The following KIF1A variants were observed in gnomAD, a reference collection of about 807,000 sequenced individuals.
The protein encoded by KIF1A is kinesin family member 1A.
Under a neutral mutation model 227.3 loss-of-function variants are expected in KIF1A, and 46 were observed. That is an observed-to-expected ratio of 0.20 (90% CI 0.16 to 0.26). The LOEUF (loss-of-function observed/expected upper bound fraction) is 0.26. Ranked by LOEUF, KIF1A falls within the 10% of genes least tolerant of loss-of-function variation. The pLI is 1.00. For synonymous variants in KIF1A, 1,022 were observed against 1,012.8 expected, an observed-to-expected ratio of 1.01 and a Z score of -0.17; for missense variants, 1,683 against 2,485.9, an observed-to-expected ratio of 0.68 and a Z score of 6.87.
intron 29 of KIF1A, among the ~76,000 whole-genome samples, chr2:240,746,765 C>T (rs2048646786): frequency 6.6e-6 from 1 of 152,220 alleles, no homozygotes; most frequent in East Asian, 1.9e-4. Flanking sequence ...CTGAGTGGTC[C>T]AGGTGCCACT....
chr2:240,753,669 C>T (rs2049483740), intron 27 of KIF1A, among the ~76,000 whole-genome samples: 1 of 152,200 alleles, frequency 6.6e-6, no homozygotes, highest in Non-Finnish European at 1.5e-5. Flanking sequence ...GGAGGCAGTG[C>T]ACCCCCATCT....
At chr2:240,782,542 C>CGCCACCA in intron 10 of KIF1A, 48 bp downstream of exon 10, 1 of 1,546,056 alleles carries the variant, frequency 6.5e-7, no homozygotes, top group East Asian at 2.4e-5. Flanking sequence ...GGGCAGACAC[C>CGCCACCA]GCCACCAGCC....
rs2055446152 is a variant in KIF1A, at chr2:240,789,883, C to A, written c.107-571G>T. Among the ~76,000 whole-genome samples the A allele has an allele frequency of 6.6e-6, 1 of 152,148 alleles. No homozygotes were observed. The highest frequency in any genetic ancestry group is 6.5e-5 in the Admixed American group (1 of 15,284). On this transcript the variant is annotated intron_variant, in intron 2 of 48. Coordinates refer to ENST00000498729, the MANE Select transcript of KIF1A (RefSeq NM_001244008.2). This position sits in a 1 kb window ranked among gnomAD's most constrained non-coding sequence, Gnocchi z 4.8. The stretch of plus-strand genomic sequence containing the variant: ...CCTCCACCCAACTTCAAGCCCAGTC[C>A]CAGGCACCCTGGGCTGGCTTCAGGC...
Position 240,724,035 on chromosome 2 carries a change from T to C in KIF1A, c.4258A>G (p.Asn1420Asp), listed in dbSNP as rs752208944. 1 of 1,612,062 alleles carries C rather than the reference T, an allele frequency of 6.2e-7. No individual in the cohort carries two copies. The highest frequency in any genetic ancestry group is 8.5e-7 in the Non-Finnish European group (1 of 1,179,326). Residue 1420 changes from asparagine (N) to aspartate (D), a missense_variant and splice_region_variant, in exon 41 of 49, where the codon AAC becomes GAC. Around this residue, in one of 12 missense-constraint regions of KIF1A, gnomAD observed 759 missense variants for 1,020.2 expected, o/e 0.74. Coordinates refer to ENST00000498729, the MANE Select transcript of KIF1A (RefSeq NM_001244008.2). ...GSGSLRASES[N>D]RVTGVYELSL... ...AGCTCGTACACACCAGTCACACGGTTACTGTGGGGAGTAGAAGGAGTGACA... is the reference window on the plus strand; with the variant it reads ...AGCTCGTACACACCAGTCACACGGTCACTGTGGGGAGTAGAAGGAGTGACA...
At position 240,740,019 on chromosome 2, in the gene KIF1A, C is replaced by T. The variant is rs1435819130; in HGVS notation, c.3901+39G>A. The T allele has an allele frequency of 2.0e-6, 3 of 1,514,772 alleles. No homozygotes were observed. The highest frequency in any genetic ancestry group is 2.4e-5 in the East Asian group (1 of 40,980). 93.8% of individuals were successfully genotyped at this position (1,514,772 alleles called of 1,614,324 possible). On this transcript the variant is annotated intron_variant, in intron 37 of 48. Transcript: ENST00000498729. This position sits in a 1 kb window ranked among gnomAD's most constrained non-coding sequence, Gnocchi z 6.1. ...AGGGCCTGTACTCTTCCCACCAGCT[C>T]AGCCCCACCCACCAAGGCAGCCCCC...
chr2:240,767,909 C>A (rs2051411821), intron 17 of KIF1A, among the ~76,000 whole-genome samples: 1 of 152,184 alleles, frequency 6.6e-6, no homozygotes, highest in African/African-American at 2.4e-5. Flanking sequence ...TGAAGGGATC[C>A]TTGATGAGCC....
chr2:240,801,630 A>G (rs1458784203), intron 1 of KIF1A, among the ~76,000 whole-genome samples: 1 of 152,166 alleles, frequency 6.6e-6, no homozygotes, highest in Admixed American at 6.5e-5. Context: ...CCCCCAAGTG[A>G]TGACTTTAGT....
At chr2:240,795,978 C>T (rs2056346290) in intron 2 of KIF1A, among the ~76,000 whole-genome samples, 1 of 152,212 alleles carries the variant, frequency 6.6e-6, no homozygotes, top group Admixed American at 6.5e-5. Flanking sequence ...ACATGCAAGA[C>T]TGAGGTGGCA....
At chr2:240,777,488 C>T (rs966752954) in intron 10 of KIF1A, among the ~76,000 whole-genome samples, 4 of 152,270 alleles carry the variant, frequency 2.6e-5, no homozygotes, top group Admixed American at 2.0e-4. Context: ...GCTCCCTCAC[C>T]GCCTCCCTGT....
intron 10 of KIF1A, among the ~76,000 whole-genome samples, chr2:240,780,054 GCTCACGTGGCTC>G (rs971608746): frequency 1.3e-5 from 2 of 152,012 alleles, no homozygotes; most frequent in Admixed American, 1.3e-4. Flanking sequence ...TCAGACGGGG[GCTCACGTGGCTC>G]CTCTCAGGCC....
At chr2:240,754,276 A>G (rs2049569219) in intron 27 of KIF1A, among the ~76,000 whole-genome samples, 1 of 152,202 alleles carries the variant, frequency 6.6e-6, no homozygotes, top group Admixed American at 6.5e-5. Flanking sequence ...GCACCCTGTG[A>G]GCATCCTCAT....
chr2:240,738,933 G>A (rs1217085559), intron 37 of KIF1A, among the ~76,000 whole-genome samples: 1 of 152,246 alleles, frequency 6.6e-6, no homozygotes, highest in African/African-American at 2.4e-5. Context: ...ACTACCGTGT[G>A]GCCGGGTCCA....
chr2:240,732,636 GGAAT>G (rs2046849168), intron 38 of KIF1A, among the ~76,000 whole-genome samples: 1 of 110,310 alleles, frequency 9.1e-6, no homozygotes, highest in African/African-American at 3.7e-5. Context: ...AGGAGATGAG[GGAAT>G]GAGGGGAGGA....
chr2:240,781,686 G>A (rs1316886783), intron 10 of KIF1A: 8 of 870,038 alleles, frequency 9.2e-6, no homozygotes, highest in South Asian at 5.3e-5. Context: ...TCCGTCTCCC[G>A]CAGTCCCACG....
At chr2:240,745,700 C>G in intron 31 of KIF1A, 38 bp downstream of exon 31, 3 of 1,598,808 alleles carry the variant, frequency 1.9e-6, no homozygotes, top group Non-Finnish European at 2.6e-6. Context: ...CACAGAGTCC[C>G]TGCGCAGCGC....
chr2:240,771,618 G>T, intron 14 of KIF1A, among the ~76,000 whole-genome samples: 1 of 152,242 alleles, frequency 6.6e-6, no homozygotes, highest in African/African-American at 2.4e-5. Context: ...ACCCAGCAGC[G>T]CCCCGTGCAG....
intron 1 of KIF1A, among the ~76,000 whole-genome samples, chr2:240,800,044 A>G (rs1395413977): frequency 6.6e-6 from 1 of 151,960 alleles, no homozygotes; most frequent in East Asian, 1.9e-4. Flanking sequence ...TATCCTACAG[A>G]GCTACAATGA....
At chr2:240,769,319 G>A in intron 16 of KIF1A, 111 bp from the exon 17 acceptor site, 1 of 857,228 alleles carries the variant, frequency 1.2e-6, no homozygotes, top group Non-Finnish European at 1.8e-6. Context: ...GGCCTGGGTG[G>A]TGCCCATGCG....
Position 240,758,050 on chromosome 2 carries a change from A to G in KIF1A, c.2582+310T>C, listed in dbSNP as rs1411013405. ...CCCTCAGGACCAACAGGTGACCTGG[A>G]AAGTTTGCTTGGGAGCCTCACATAT... On this transcript the variant is annotated intron_variant, in intron 26 of 48. Coordinates refer to ENST00000498729, the MANE Select transcript of KIF1A (RefSeq NM_001244008.2). The surrounding 1 kb of genome is among the most constrained non-coding windows in gnomAD (Gnocchi z 5.2). Among the ~76,000 whole-genome samples, 1 of 152,220 alleles carries G rather than the reference A, an allele frequency of 6.6e-6. No homozygotes were observed. The highest frequency in any genetic ancestry group is 1.5e-5 in the Non-Finnish European group (1 of 68,038).
Sources: allele counts gnomAD v4.1 joint callset (sites outside exome capture counted in the v4.1 genomes callset), GRCh38; gene constraint gnomAD v4.1.1; regional missense constraint gnomAD v4.1.1; non-coding constraint Gnocchi (gnomAD v3.1); transcripts MANE v1.5; gene names NCBI Gene and HGNC (gene_info 2026-07-23, HGNC 2026-07-21).